Variants in SLC35F1 observed in about 807,000 individuals in gnomAD.
SLC35F1 encodes solute carrier family 35 member F1, also known as chromosome 6 open reading frame 169.
SLC35F1 carries 14 observed loss-of-function variants against 48.7 expected under a neutral mutation model. That is an observed-to-expected ratio of 0.29 (90% CI 0.19 to 0.45). The LOEUF (loss-of-function observed/expected upper bound fraction) is 0.45, where lower values mean the gene tolerates loss of function less well. SLC35F1 is among the 20% of genes least tolerant of loss of function. The pLI, the probability that SLC35F1 is intolerant of heterozygous loss-of-function variation, is 1.00. For missense variants in SLC35F1, 404 were observed against 500.0 expected, an observed-to-expected ratio of 0.81 and a Z score of 1.83; for synonymous variants, 190 against 202.2, an observed-to-expected ratio of 0.94 and a Z score of 0.51.
At chr6:118,277,847 T>C (rs1204891726) in intron 6 of SLC35F1, among the ~76,000 whole-genome samples, 1 of 151,942 alleles carries the variant, frequency 6.6e-6, no homozygotes, top group Non-Finnish European at 1.5e-5. Flanking sequence ...CCTGAGGCAG[T>C]GGTAGCACAT....
At chr6:118,145,648 A>G (rs1382564214) in intron 1 of SLC35F1, among the ~76,000 whole-genome samples, 1 of 152,168 alleles carries the variant, frequency 6.6e-6, no homozygotes, top group Non-Finnish European at 1.5e-5. Flanking sequence ...ATTTATTTCC[A>G]TTTTTATTAA....
At chr6:118,251,265 A>G (rs1423294642) in intron 3 of SLC35F1, among the ~76,000 whole-genome samples, 1 of 152,154 alleles carries the variant, frequency 6.6e-6, no homozygotes, top group East Asian at 1.9e-4. Flanking sequence ...AAGAAAGACC[A>G]TGGTATGTTA....
intron 1 of SLC35F1, among the ~76,000 whole-genome samples, chr6:117,929,741 C>T (rs1776076608): frequency 6.6e-6 from 1 of 152,064 alleles, no homozygotes; most frequent in African/African-American, 2.4e-5. Flanking sequence ...TTAAAGCTAA[C>T]TGATTGTAAA....
chr6:118,312,245 T>C (rs1776380325), intron 7 of SLC35F1, among the ~76,000 whole-genome samples: 1 of 152,182 alleles, frequency 6.6e-6, no homozygotes, highest in African/African-American at 2.4e-5. Context: ...GTGAAAGTAA[T>C]TAATAAAATA....
intron 1 of SLC35F1, among the ~76,000 whole-genome samples, chr6:118,058,273 G>T (rs1461290927): frequency 6.6e-6 from 1 of 152,036 alleles, no homozygotes; most frequent in Non-Finnish European, 1.5e-5. Context: ...CTTTCCTCCA[G>T]TAACTCAGCC....
intron 1 of SLC35F1, among the ~76,000 whole-genome samples, chr6:117,991,495 A>C (rs893840693): frequency 2.0e-5 from 3 of 152,194 alleles, no homozygotes; most frequent in Admixed American, 2.0e-4. Context: ...TTGATTTTTC[A>C]CTTGCCATAC....
At chr6:118,118,732 G>C (rs1462343472) in intron 1 of SLC35F1, among the ~76,000 whole-genome samples, 2 of 152,072 alleles carry the variant, frequency 1.3e-5, no homozygotes, top group African/African-American at 4.8e-5. Context: ...AACAAATCTG[G>C]TGGGTAAACA....
intron 2 of SLC35F1, among the ~76,000 whole-genome samples, chr6:118,160,417 A>C (rs893480386): frequency 2.0e-5 from 3 of 152,238 alleles, no homozygotes; most frequent in African/African-American, 7.2e-5. Context: ...CTATTTATTG[A>C]ATCATGTATC....
At chr6:117,947,681 G>T (rs1351930246) in intron 1 of SLC35F1, among the ~76,000 whole-genome samples, 3 of 152,144 alleles carry the variant, frequency 2.0e-5, no homozygotes, top group African/African-American at 7.2e-5. Flanking sequence ...AAGTGTTAAA[G>T]GTTTGTCATC....
intron 1 of SLC35F1, among the ~76,000 whole-genome samples, chr6:117,923,557 A>T (rs867764733): frequency 2.1e-5 from 3 of 143,974 alleles, no homozygotes; most frequent in African/African-American, 7.6e-5. Context: ...AAATTGACAT[A>T]CATATATACA....
intron 3 of SLC35F1, among the ~76,000 whole-genome samples, chr6:118,249,423 G>A (rs994428873): frequency 6.6e-6 from 1 of 152,212 alleles, no homozygotes; most frequent in Non-Finnish European, 1.5e-5. Flanking sequence ...AGATGCACAT[G>A]AAAACACTTC....
chr6:117,992,724 G>T (rs1776935181), intron 1 of SLC35F1, among the ~76,000 whole-genome samples: 1 of 152,200 alleles, frequency 6.6e-6, no homozygotes, highest in African/African-American at 2.4e-5. Flanking sequence ...GTGCCATGAA[G>T]AAATAGAGTG....
At chr6:118,009,184 C>T (rs1400841998) in intron 1 of SLC35F1, among the ~76,000 whole-genome samples, 2 of 152,160 alleles carry the variant, frequency 1.3e-5, no homozygotes, top group Admixed American at 1.3e-4. Flanking sequence ...TGTGCTCACA[C>T]TTGGGATACC....
intron 7 of SLC35F1, among the ~76,000 whole-genome samples, chr6:118,313,225 C>T (rs527844138): frequency 1.3e-5 from 2 of 152,338 alleles, no homozygotes; most frequent in East Asian, 3.9e-4. Context: ...TGTTACCATA[C>T]TCTTTCCCCA....
intron 1 of SLC35F1, among the ~76,000 whole-genome samples, chr6:118,054,219 G>C (rs989678069): frequency 2.6e-5 from 4 of 152,160 alleles, no homozygotes; most frequent in East Asian, 1.9e-4. Flanking sequence ...AATGAGCAAG[G>C]CTTTTTGGGC....
chr6:118,096,778 C>T (rs543751535), intron 1 of SLC35F1, among the ~76,000 whole-genome samples: 4 of 152,280 alleles, frequency 2.6e-5, no homozygotes, highest in African/African-American at 9.6e-5. Context: ...CTGAAAAACA[C>T]AGAATCATGA....
chr6:118,161,020 T>A (rs1774222699), intron 2 of SLC35F1, among the ~76,000 whole-genome samples: 1 of 152,072 alleles, frequency 6.6e-6, no homozygotes, highest in African/African-American at 2.4e-5. Flanking sequence ...ATACTACATT[T>A]CTTACATACA....
At chr6:118,197,404 T>C (rs965322688) in intron 2 of SLC35F1, among the ~76,000 whole-genome samples, 6 of 152,214 alleles carry the variant, frequency 3.9e-5, no homozygotes, top group Non-Finnish European at 8.8e-5. Context: ...GCTACCTTTA[T>C]TGTAAAATAC....
intron 2 of SLC35F1, among the ~76,000 whole-genome samples, chr6:118,160,483 ACT>A (rs1435371173): frequency 6.6e-6 from 1 of 152,250 alleles, no homozygotes; most frequent in Non-Finnish European, 1.5e-5. Context: ...CTAATAGAAC[ACT>A]CATAAAAATA....
Sources: gnomAD v4.1 joint callset for allele counts (sites outside exome capture counted in the v4.1 genomes callset) on GRCh38, gnomAD v4.1.1 for gene constraint, MANE v1.5 for transcripts, NCBI Gene and HGNC (gene_info 2026-07-23, HGNC 2026-07-21) for gene names.